GFAP: variants seen among roughly 807,000 people sequenced by gnomAD.
GFAP encodes intermediate filament protein.
A neutral mutation model predicts 49.3 loss-of-function variants in GFAP; 38 were observed. The observed-to-expected ratio is 0.77, with a 90% CI of 0.60 to 1.01. GFAP has a LOEUF of 1.01. Ranked by LOEUF, GFAP falls within the 50% of genes least tolerant of loss-of-function variation. The probability of loss-of-function intolerance (pLI) is 0.00; values close to 1 mark genes in which losing one functional copy is unlikely to be tolerated. For missense variants in GFAP, 463 were observed against 579.1 expected (o/e 0.80, Z 2.06); for synonymous variants, 222 against 236.4 (o/e 0.94, Z 0.56).
Position 44,911,463 on chromosome 17 carries a change from G to A in GFAP, c.907-7C>T, listed in dbSNP as rs1414857931. On this transcript the variant is annotated splice_region_variant and splice_polypyrimidine_tract_variant and intron_variant, in intron 5 of 8. Coordinates refer to ENST00000588735, the MANE Select transcript of GFAP (RefSeq NM_002055.5). ...GCCTCTCCAGGGACTCGTTCTGTGG[G>A]ATGGAGCCGGCCGGTCCCGCGGAGC... 1.3e-6 allele frequency: 2 copies of A among 1,598,164 alleles called. No individual in the cohort carries two copies. The highest frequency in any genetic ancestry group is 1.7e-5 in the Admixed American group (1 of 59,640).
At position 44,903,783 on chromosome 17, in the gene GFAP, A is replaced by G; in HGVS notation, c.*3564T>C. On this transcript the variant is annotated 3_prime_UTR_variant, in exon 9 of 9. Coordinates refer to ENST00000588735, the MANE Select transcript of GFAP (RefSeq NM_002055.5). ...CTTTCTAGGAGCCCTATGAGCCTTT[A>G]ATGCCCTGGTTTTGCCCTGCCCCTC... The G allele has an allele frequency of 6.6e-7, 1 of 1,512,132 alleles. No homozygotes were observed. Among genetic ancestry groups the G allele is most frequent in the Non-Finnish European group, 8.9e-7 (1 of 1,128,874 alleles). The allele number at this position is 1,512,132 out of a possible 1,614,324, so 93.7% of individuals were successfully genotyped here.
Position 44,903,929 on chromosome 17 carries a change from G to A in GFAP, c.*3418C>T, listed in dbSNP as rs1380184087. The A allele has an allele frequency of 1.9e-6, 3 of 1,550,456 alleles. No homozygotes were observed. The highest frequency in any genetic ancestry group is 2.6e-6 in the Non-Finnish European group (3 of 1,147,000). ...CATTTTTCAGAGGACCCCCTGCCCT[G>A]CTTTCCTGATGTTTGAAAATGCAGC... On this transcript the variant is annotated 3_prime_UTR_variant, in exon 9 of 9. Transcript: ENST00000588735.
intron 7 of GFAP, chr17:44,908,457 C>T (rs867331151): frequency 2.3e-5 from 6 of 257,400 alleles, no homozygotes; most frequent in Middle Eastern, 1.2e-3. Context: ...AGGAGGGGTG[C>T]GGTGGCTCAC....
At position 44,903,771 on chromosome 17, in the gene GFAP, C is replaced by T; in HGVS notation, c.*3576G>A. 6.7e-7 allele frequency: 1 copy of T among 1,497,570 alleles called. No homozygotes were observed. The highest frequency in any genetic ancestry group is 8.9e-7 in the Non-Finnish European group (1 of 1,122,958). 92.8% of individuals were successfully genotyped at this position (1,497,570 alleles called of 1,614,324 possible). Reference sequence around the variant, plus strand: ...CGCTTAGCAGAGCTTTCTAGGAGCCCTATGAGCCTTTAATGCCCTGGTTTT... The same window carrying T: ...CGCTTAGCAGAGCTTTCTAGGAGCCTTATGAGCCTTTAATGCCCTGGTTTT... On this transcript the variant is annotated 3_prime_UTR_variant, in exon 9 of 9. Coordinates refer to ENST00000588735, the MANE Select transcript of GFAP (RefSeq NM_002055.5).
intron 4 of GFAP, chr17:44,912,929 G>A: frequency 2.9e-6 from 1 of 347,952 alleles, no homozygotes; most frequent in Non-Finnish European, 5.6e-6. Context: ...GGAGCTGTGT[G>A]ACTTTGAGCA....
In GFAP at chr17:44,911,816, T is replaced by TG; in HGVS notation, c.781-20dup. On this transcript the variant is annotated intron_variant, in intron 4 of 8. Coordinates refer to ENST00000588735, the MANE Select transcript of GFAP (RefSeq NM_002055.5). ...CTGCAAACTAGGTGGGGGACACATA[T>TG]GGGGGGCTGTGTGGGCCCATGGGCA... is the stretch of plus-strand genomic sequence containing the variant. 7 of 1,607,412 alleles carry TG rather than the reference T, an allele frequency of 4.4e-6. No individual in the cohort carries two copies. Among genetic ancestry groups the TG allele is most frequent in the Middle Eastern group, 1.7e-4 (1 of 6,038 alleles).
At chr17:44,907,997 T>A in intron 8 of GFAP, 67 bp downstream of exon 8, 1 of 1,107,878 alleles carries the variant, frequency 9.0e-7, no homozygotes, top group Non-Finnish European at 1.4e-6. Context: ...CAGGCTTTCC[T>A]CCATGGCCTG....
chr17:44,903,466 G>A lies in GFAP; in HGVS notation c.*3881C>T, dbSNP rs2051596251. 1.6e-6 allele frequency: 2 copies of A among 1,267,362 alleles called. No individual in the cohort carries two copies. The highest frequency in any genetic ancestry group is 3.7e-5 in the Admixed American group (1 of 27,024). The allele number at this position is 1,267,362 out of a possible 1,614,324, so 78.5% of individuals were successfully genotyped here. A position where few individuals can be genotyped will look rare whatever the true frequency, so the allele number is the denominator to read the frequency against. On this transcript the variant is annotated 3_prime_UTR_variant, in exon 9 of 9. Transcript: ENST00000588735. ...CACCAGGCTGGCAGGGCAGGGCCTG[G>A]AGCACTGAGGCAGAGATCTCCCTGC...
At chr17:44,911,084 C>G (rs1319803874) in intron 6 of GFAP, 152 bp downstream of exon 6, 4 of 728,002 alleles carry the variant, frequency 5.5e-6, no homozygotes, top group Non-Finnish European at 7.3e-6. Flanking sequence ...TAGTGACTGC[C>G]TGCTATGTGT....
chr17:44,906,217 C>T lies in GFAP; in HGVS notation c.*1130G>A, dbSNP rs1324226959. ...TTTAGAAATGGGACAAAGTCATGCCCTGCCCCCATGGATACATCCCCTTTC... is the reference window on the plus strand; with the variant it reads ...TTTAGAAATGGGACAAAGTCATGCCTTGCCCCCATGGATACATCCCCTTTC... On this transcript the variant is annotated 3_prime_UTR_variant, in exon 9 of 9. Coordinates refer to ENST00000588735, the MANE Select transcript of GFAP (RefSeq NM_002055.5). 1.3e-5 allele frequency: 2 copies of T among 152,294 alleles called. No homozygotes were observed. The highest frequency in any genetic ancestry group is 2.9e-5 in the Non-Finnish European group (2 of 68,142). 9.4% of individuals were successfully genotyped at this position (152,294 alleles called of 1,614,324 possible).
chr17:44,907,605 T>C, intron 8 of GFAP: 3 of 626,098 alleles, frequency 4.8e-6, no homozygotes, highest in Non-Finnish European at 5.8e-6. Context: ...GGTAAGCTGC[T>C]GGAGTAAGAT....
At chr17:44,912,119 T>TTG (rs1555574334) in intron 4 of GFAP, among the ~76,000 whole-genome samples, 9 of 147,826 alleles carry the variant, frequency 6.1e-5, no homozygotes, top group African/African-American at 2.4e-4. Flanking sequence ...TTTTTGTTTT[T>TTG]TTGTTTTTTT....
Position 44,904,457 on chromosome 17 carries a change from G to T in GFAP, c.*2890C>A. Reference sequence around the variant, plus strand: ...CCCACGCTACCTCAAGGCCGTGCCCGATGTGGTGTCTTGTGGCTCAAGGGC... The same window carrying T: ...CCCACGCTACCTCAAGGCCGTGCCCTATGTGGTGTCTTGTGGCTCAAGGGC... On this transcript the variant is annotated 3_prime_UTR_variant, in exon 9 of 9. Transcript: ENST00000588735. 6.5e-7 allele frequency: 1 copy of T among 1,543,966 alleles called. No individual in the cohort carries two copies. Among genetic ancestry groups the T allele is most frequent in the South Asian group, 1.2e-5 (1 of 83,674 alleles).
In GFAP at chr17:44,910,219, T is replaced by C. The variant is rs1199688022; in HGVS notation, c.1171+396A>G. ...CGTATTGTGAGGCTTTTGAGATATC[T>C]TGTGACCTTGTGATTTTCCCCGTCT... On this transcript the variant is annotated intron_variant, in intron 7 of 8. Transcript: ENST00000588735. The C allele has an allele frequency of 6.2e-7, 1 of 1,613,964 alleles. No individual in the cohort carries two copies. Among genetic ancestry groups the C allele is most frequent in the Non-Finnish European group, 8.5e-7 (1 of 1,179,868 alleles).
At chr17:44,908,242 A>C in intron 7 of GFAP, 93 bp from the exon 8 acceptor site, 3 of 849,588 alleles carry the variant, frequency 3.5e-6, no homozygotes, top group Non-Finnish European at 6.1e-6. Context: ...CCCCCTCCCC[A>C]TCATGAGTAT....
intron 8 of GFAP, 179 bp downstream of exon 8, chr17:44,907,885 G>A (rs1199027734): frequency 5.6e-6 from 4 of 716,258 alleles, no homozygotes; most frequent in East Asian, 2.6e-5. Context: ...AACAGCCTAT[G>A]GAGGGACTGA....
At chr17:44,907,682 G>A in intron 8 of GFAP, 1 of 566,930 alleles carries the variant, frequency 1.8e-6, no homozygotes, top group South Asian at 2.0e-5. Flanking sequence ...TCCCCTGGTA[G>A]TTTCCTTTTA....
At position 44,905,148 on chromosome 17, in the gene GFAP, C is replaced by A; in HGVS notation, c.*2199G>T. 8.2e-7 allele frequency: 1 copy of A among 1,223,920 alleles called. No homozygotes were observed. Among genetic ancestry groups the A allele is most frequent in the Non-Finnish European group, 1.1e-6 (1 of 881,818 alleles). The allele number at this position is 1,223,920 out of a possible 1,614,324, so 75.8% of individuals were successfully genotyped here. Reference sequence around the variant, plus strand: ...GATACCAGATGTCTCTGGGTGGGTACCCTGGGTTGGGACAGGTGGTAGGAA... The same window carrying A: ...GATACCAGATGTCTCTGGGTGGGTAACCTGGGTTGGGACAGGTGGTAGGAA... On this transcript the variant is annotated 3_prime_UTR_variant, in exon 9 of 9. Coordinates refer to ENST00000588735, the MANE Select transcript of GFAP (RefSeq NM_002055.5).
Position 44,903,946 on chromosome 17 carries a change from A to C in GFAP, c.*3401T>G. On this transcript the variant is annotated 3_prime_UTR_variant, in exon 9 of 9. Transcript: ENST00000588735. ...CCTGCCCTGCTTTCCTGATGTTTGA[A>C]AATGCAGCCTACCTGGCCGACATGA... The C allele has an allele frequency of 6.4e-7, 1 of 1,550,546 alleles. No homozygotes were observed. Among genetic ancestry groups the C allele is most frequent in the Non-Finnish European group, 8.7e-7 (1 of 1,146,974 alleles).
Sources: allele counts gnomAD v4.1 joint callset (sites outside exome capture counted in the v4.1 genomes callset), GRCh38; gene constraint gnomAD v4.1.1; transcripts MANE v1.5; gene names NCBI Gene and HGNC (gene_info 2026-07-23, HGNC 2026-07-21).